ABCA13: variants seen among roughly 807,000 people sequenced by gnomAD.
The protein encoded by ABCA13 is ATP binding cassette subfamily A member 13, also known as ATP-binding cassette sub-family A member 13.
In ABCA13, 476 loss-of-function variants were observed where a neutral mutation model predicts 478.7. The ratio of observed to expected loss-of-function variants is 0.99; its 90% confidence interval spans 0.92 to 1.07. The LOEUF is 1.07. Among genes scored for constraint, ABCA13 ranks in the 50% least tolerant of loss-of-function variants. The probability of loss-of-function intolerance (pLI) is 0.00; values close to 1 mark genes in which losing one functional copy is unlikely to be tolerated. For synonymous variants in ABCA13, 2,252 were observed against 2,158.9 expected (o/e 1.04, Z -1.20); for missense variants, 6,060 against 5,910.6 (o/e 1.03, Z -0.83).
rs77288702 is a variant in ABCA13 at position 48,229,772 on chromosome 7, C to T, written c.633-53C>T. On this transcript the variant is annotated intron_variant, in intron 6 of 61. Coordinates refer to ENST00000435803, the MANE Select transcript of ABCA13 (RefSeq NM_152701.5). ...GTAAGTAAACCTAGAATTGATGCTA[C>T]TTGTTTTGCTAACTACCCACTCATA... 4,858 of 1,606,134 alleles carry T rather than the reference C, an allele frequency of 3.0e-3. 125 individuals are homozygous for T. In the African/African-American group the frequency reaches 0.057, roughly 19 times the overall value.
intron 39 of ABCA13, among the ~76,000 whole-genome samples, chr7:48,408,089 C>T (rs114799432): frequency 7.4e-4 from 113 of 152,250 alleles, no homozygotes; most frequent in African/African-American, 2.6e-3. Context: ...GTTGAGGGCA[C>T]TTAAGATCTA....
chr7:48,585,214 A>G (rs1308858152), intron 56 of ABCA13, among the ~76,000 whole-genome samples: 1 of 152,168 alleles, frequency 6.6e-6, no homozygotes, highest in Non-Finnish European at 1.5e-5. Context: ...TTGTTTTGAT[A>G]TTTTAAAATT....
At chr7:48,504,363 GC>G (rs1345545479) in intron 48 of ABCA13, among the ~76,000 whole-genome samples, 1 of 152,150 alleles carries the variant, frequency 6.6e-6, no homozygotes, top group Non-Finnish European at 1.5e-5. Flanking sequence ...GGTGAGCTGA[GC>G]AGGGATGCAC....
At chr7:48,434,532 T>C (rs776917810) in intron 42 of ABCA13, among the ~76,000 whole-genome samples, 10 of 151,952 alleles carry the variant, frequency 6.6e-5, no homozygotes, top group Non-Finnish European at 1.3e-4. Flanking sequence ...GCTTACCTAT[T>C]TTGTTGTTGT....
At chr7:48,183,277 C>T (rs551717212) in intron 1 of ABCA13, among the ~76,000 whole-genome samples, 1 of 152,256 alleles carries the variant, frequency 6.6e-6, no homozygotes, top group South Asian at 2.1e-4. Flanking sequence ...CCGCATGAGT[C>T]ACTTGGAGGA....
At chr7:48,277,732 A>G in intron 17 of ABCA13, among the ~76,000 whole-genome samples, 1 of 152,152 alleles carries the variant, frequency 6.6e-6, no homozygotes, top group East Asian at 1.9e-4. Context: ...AAATATGCTA[A>G]CCACTTTTCA....
intron 48 of ABCA13, among the ~76,000 whole-genome samples, chr7:48,494,395 T>A (rs1180160030): frequency 6.6e-6 from 1 of 152,204 alleles, no homozygotes; most frequent in Admixed American, 6.5e-5. Context: ...CTGGCATCCA[T>A]AACCTTCAAC....
chr7:48,298,429 T>C lies in ABCA13; in HGVS notation c.9263T>C (p.Ile3088Thr), dbSNP rs763803721. The change falls in exon 23 of 62, where the codon ATC becomes ACC. Residue 3088 changes from isoleucine (I) to threonine (T), a missense_variant. Coordinates refer to ENST00000435803, the MANE Select transcript of ABCA13 (RefSeq NM_152701.5). ...TTGACTGAGGAGCTTCGCTCTTCCA[T>C]CCAAATCTCGAATGAGACTATCCAT... ...TKLTEELRSS[I>T]QISNETIHSI... The C allele has an allele frequency of 1.3e-5, 21 of 1,613,518 alleles. No homozygotes were observed. The highest frequency in any genetic ancestry group is 1.8e-5 in the Non-Finnish European group (21 of 1,179,564).
chr7:48,202,809 C>T (rs1444351838), intron 3 of ABCA13, among the ~76,000 whole-genome samples: 2 of 152,262 alleles, frequency 1.3e-5, no homozygotes, highest in Non-Finnish European at 2.9e-5. Flanking sequence ...CATAAAGGTT[C>T]TCCAAGGCCC....
At chr7:48,315,075 A>G (rs1231674841) in intron 26 of ABCA13, among the ~76,000 whole-genome samples, 1 of 152,184 alleles carries the variant, frequency 6.6e-6, no homozygotes, top group Non-Finnish European at 1.5e-5. Context: ...GCATTTTTGG[A>G]CACATTGTTT....
chr7:48,435,419 G>A (rs1319879359), intron 42 of ABCA13, among the ~76,000 whole-genome samples: 1 of 151,550 alleles, frequency 6.6e-6, no homozygotes, highest in Non-Finnish European at 1.5e-5. Context: ...GTATGTATGT[G>A]TATTTTTTAG....
intron 28 of ABCA13, among the ~76,000 whole-genome samples, chr7:48,336,700 C>T (rs1806320720): frequency 6.6e-6 from 1 of 152,198 alleles, no homozygotes; most frequent in Non-Finnish European, 1.5e-5. Flanking sequence ...AGCAGTGGGC[C>T]CTGCCATTTC....
intron 19 of ABCA13, among the ~76,000 whole-genome samples, chr7:48,281,932 C>A (rs1797110081): frequency 2.6e-5 from 4 of 152,268 alleles, no homozygotes; most frequent in African/African-American, 9.6e-5. Context: ...GTGTGCATTT[C>A]CTGATGGGTG....
chr7:48,613,841 T>C (rs1217471065), intron 58 of ABCA13, among the ~76,000 whole-genome samples: 1 of 148,262 alleles, frequency 6.7e-6, no homozygotes, highest in Non-Finnish European at 1.5e-5. Context: ...TATATCTGTA[T>C]TATAATATAT....
intron 3 of ABCA13, 71 bp downstream of exon 3, chr7:48,198,431 G>T: frequency 1.3e-6 from 2 of 1,549,848 alleles, no homozygotes; most frequent in Non-Finnish European, 1.7e-6. Context: ...TCTGCTTTTT[G>T]TAAAGCCTCA....
chr7:48,591,134 T>C (rs1238521081), intron 57 of ABCA13, among the ~76,000 whole-genome samples: 3 of 151,972 alleles, frequency 2.0e-5, no homozygotes, highest in African/African-American at 7.2e-5. Flanking sequence ...CTTTAATACA[T>C]GTTCAGTTGA....
intron 26 of ABCA13, among the ~76,000 whole-genome samples, chr7:48,315,838 A>G (rs1180906408): frequency 2.0e-5 from 3 of 152,188 alleles, no homozygotes; most frequent in African/African-American, 7.2e-5. Context: ...TTTATTGTCA[A>G]ATAATTTTTT....
In ABCA13 at chr7:48,367,807, G is replaced by T; in HGVS notation, c.10702G>T (p.Val3568Phe). 1 of 1,565,678 alleles carries T rather than the reference G, an allele frequency of 6.4e-7. No homozygotes were observed. The highest frequency in any genetic ancestry group is 8.7e-7 in the Non-Finnish European group (1 of 1,153,716). ...CHTSDLFLNN[V>F]GFFFPLIMML... ...ATCCCCTTACAGATTCCTGAACAAC[G>T]TTGGTTTCTTTTTTCCACTGATAAT... The change falls in exon 32 of 62, where the codon GTT (valine) becomes TTT (phenylalanine). Residue 3568 changes from valine (V) to phenylalanine (F), a missense_variant. Physicochemically the swap from Val to Phe is conservative, Grantham distance 50. Transcript: ENST00000435803.
At chr7:48,340,228 T>C (rs895932823) in intron 29 of ABCA13, among the ~76,000 whole-genome samples, 3 of 152,226 alleles carry the variant, frequency 2.0e-5, no homozygotes, top group Admixed American at 2.0e-4. Context: ...TGTCCCACCC[T>C]CCTGAGTGGC....
Sources: allele counts gnomAD v4.1 joint callset (sites outside exome capture counted in the v4.1 genomes callset), GRCh38; gene constraint gnomAD v4.1.1; transcripts MANE v1.5; gene names NCBI Gene and HGNC (gene_info 2026-07-23, HGNC 2026-07-21).